Variants in ANKRD20A1 observed in about 807,000 individuals in gnomAD.
ANKRD20A1 encodes ankyrin repeat domain-containing protein 20A1.
In ANKRD20A1, 2 loss-of-function variants were observed where a neutral mutation model predicts 50.9. The observed-to-expected ratio is 0.04, with a 90% CI of 0.02 to 0.12. The LOEUF (loss-of-function observed/expected upper bound fraction) is 0.12. ANKRD20A1 is among the 10% of genes least tolerant of loss of function. The probability of loss-of-function intolerance (pLI) is 1.00; values close to 1 mark genes in which losing one functional copy is unlikely to be tolerated. For synonymous variants in ANKRD20A1, 10 were observed against 186.2 expected (o/e 0.05, Z 7.70); for missense variants, 31 against 548.1 (o/e 0.06, Z 9.42).
intron 9 of ANKRD20A1, among the ~76,000 whole-genome samples, chr9:67,885,569 C>T (rs7036425): frequency 0.069 from 9,622 of 139,796 alleles, 82 homozygotes; most frequent in East Asian, 0.16. Flanking sequence ...GAAATTAATT[C>T]GAGAAGTTAT....
chr9:67,884,218 A>G (rs1827837596), intron 8 of ANKRD20A1, among the ~76,000 whole-genome samples: 1 of 147,870 alleles, frequency 6.8e-6, no homozygotes, highest in East Asian at 2.2e-4. Context: ...GGGCAGTATA[A>G]TGAGGCCTTG....
chr9:67,871,406 T>A lies in ANKRD20A1; in HGVS notation c.793+194T>A, dbSNP rs1169291694. 4.3e-5 allele frequency among the ~76,000 whole-genome samples: 6 copies of A among 137,944 alleles called. 1 individual carries two copies. Among genetic ancestry groups the A allele is most frequent in the African/African-American group, 1.6e-4 (6 of 37,218 alleles). The allele number at this position is 137,944 out of a possible 152,430, so 90.5% of individuals were successfully genotyped here. A position where few individuals can be genotyped will look rare whatever the true frequency, so the allele number is the denominator to read the frequency against. ...AAAATTTAACTTCTTTAGTTTGAAA[T>A]TCAGATTTATTTAAGAAGGTAGTTG... On this transcript the variant is annotated intron_variant, in intron 6 of 14. Coordinates refer to ENST00000562196, the MANE Select transcript of ANKRD20A1 (RefSeq NM_032250.5).
At chr9:67,882,678 T>C (rs1827819629) in intron 8 of ANKRD20A1, among the ~76,000 whole-genome samples, 1 of 123,516 alleles carries the variant, frequency 8.1e-6, no homozygotes, top group South Asian at 3.1e-4. Flanking sequence ...AGGGTACATG[T>C]GCACAATATG....
intron 9 of ANKRD20A1, among the ~76,000 whole-genome samples, chr9:67,885,106 T>C (rs1415613594): frequency 0.074 from 7,212 of 97,556 alleles, no homozygotes; most frequent in South Asian, 0.16. Flanking sequence ...TAAGATACTC[T>C]AAGACCTGAG....
chr9:67,891,296 A>T lies in ANKRD20A1; in HGVS notation c.1082-2140A>T, dbSNP rs1827943172. Among the ~76,000 whole-genome samples the T allele has an allele frequency of 2.1e-5, 3 of 139,678 alleles. No individual in the cohort carries two copies. In the South Asian group the frequency reaches 7.2e-4, roughly 33 times the overall value. The allele number at this position is 139,678 out of a possible 152,430, so 91.6% of individuals were successfully genotyped here. A position where few individuals can be genotyped will look rare whatever the true frequency, so the allele number is the denominator to read the frequency against. ...GCAGCAAGAGTGAAACTCCATCTCA[A>T]ACAACAACAACAACAACAACAACAG... On this transcript the variant is annotated intron_variant, in intron 11 of 14. Transcript: ENST00000562196.
chr9:67,871,638 T>C (rs202230885), intron 6 of ANKRD20A1, among the ~76,000 whole-genome samples: 1 of 135,582 alleles, frequency 7.4e-6, no homozygotes, highest in Admixed American at 7.3e-5. Context: ...AAATTGTTTA[T>C]ATTTAGTAAA....
intron 12 of ANKRD20A1, among the ~76,000 whole-genome samples, chr9:67,896,282 T>G (rs982999525): frequency 2.8e-5 from 2 of 71,052 alleles, no homozygotes; most frequent in Non-Finnish European, 6.1e-5. Context: ...CAAATGAGTC[T>G]GTTTAATGTG....
At chr9:67,884,941 T>A (rs1347655090) in intron 9 of ANKRD20A1, among the ~76,000 whole-genome samples, 16 of 139,192 alleles carry the variant, frequency 1.1e-4, no homozygotes, top group Non-Finnish European at 2.2e-4. Flanking sequence ...TTTGAAAATA[T>A]GAGCACTAAT....
chr9:67,881,855 G>A (rs2131556090), intron 8 of ANKRD20A1, among the ~76,000 whole-genome samples: 1 of 151,270 alleles, frequency 6.6e-6, no homozygotes, highest in African/African-American at 2.4e-5. Flanking sequence ...AATTTCAGAA[G>A]GTTTTCTATT....
Position 67,884,605 on chromosome 9 carries a change from T to A in ANKRD20A1, c.979+35T>A, listed in dbSNP as rs753481163. On this transcript the variant is annotated intron_variant, in intron 9 of 14. Transcript: ENST00000562196. The stretch of plus-strand genomic sequence containing the variant: ...GTATTTTATTTAAAAAGTCATCTGA[T>A]GGAGGCCGGGTGCGGTGGCTCACGC... 7 of 1,591,162 alleles carry A rather than the reference T, an allele frequency of 4.4e-6. 1 individual carries two copies. Among genetic ancestry groups the A allele is most frequent in the Non-Finnish European group, 5.9e-6 (7 of 1,178,098 alleles).
intron 8 of ANKRD20A1, among the ~76,000 whole-genome samples, chr9:67,881,917 G>T (rs1332978076): frequency 6.8e-6 from 1 of 147,626 alleles, no homozygotes; most frequent in Non-Finnish European, 1.5e-5. Context: ...GCTACTGGAG[G>T]TCAGTAAACA....
intron 3 of ANKRD20A1, among the ~76,000 whole-genome samples, 165 bp from the exon 4 acceptor site, chr9:67,867,112 A>G (rs28413808): frequency 0.029 from 1,031 of 36,024 alleles, no homozygotes; most frequent in East Asian, 0.048. Flanking sequence ...AAGGCAAAGC[A>G]CAGCACATCA....
intron 8 of ANKRD20A1, among the ~76,000 whole-genome samples, chr9:67,883,141 G>T (rs1317915963): frequency 6.6e-6 from 1 of 151,580 alleles, no homozygotes; most frequent in Non-Finnish European, 1.5e-5. Flanking sequence ...TAATCCTTTG[G>T]GTATATACCC....
intron 12 of ANKRD20A1, among the ~76,000 whole-genome samples, chr9:67,894,098 C>T (rs879038288): frequency 0.043 from 4,001 of 93,248 alleles, no homozygotes; most frequent in South Asian, 0.078. Context: ...TGGAATGGGA[C>T]CTTTGGTGTC....
intron 1 of ANKRD20A1, among the ~76,000 whole-genome samples, chr9:67,860,261 G>T (rs1300026854): frequency 6.6e-5 from 3 of 45,544 alleles, no homozygotes; most frequent in Non-Finnish European, 8.6e-5. Context: ...TGGCCAGGCT[G>T]GTCTCGAACT....
chr9:67,882,542 G>A (rs1827817896), intron 8 of ANKRD20A1, among the ~76,000 whole-genome samples: 1 of 149,908 alleles, frequency 6.7e-6, no homozygotes, highest in African/African-American at 2.4e-5. Flanking sequence ...TCATTCAACT[G>A]GAATCTTAAC....
chr9:67,871,561 C>T (rs1457908836), intron 6 of ANKRD20A1, among the ~76,000 whole-genome samples: 4 of 137,234 alleles, frequency 2.9e-5, no homozygotes, highest in Admixed American at 2.1e-4. Flanking sequence ...TGTATGTTTC[C>T]TCTATAGTCA....
chr9:67,884,627 A>T, intron 9 of ANKRD20A1, 57 bp downstream of exon 9: 1 of 1,580,980 alleles, frequency 6.3e-7, no homozygotes, highest in African/African-American at 1.3e-5. Context: ...GCGGTGGCTC[A>T]CGCCTGTAAT....
chr9:67,885,061 G>A (rs867850847), intron 9 of ANKRD20A1, among the ~76,000 whole-genome samples: 903 of 143,102 alleles, frequency 6.3e-3, no homozygotes, highest in African/African-American at 0.022. Context: ...TCTATTGGGA[G>A]TACCACTAAA....
Sources: allele counts gnomAD v4.1 joint callset (sites outside exome capture counted in the v4.1 genomes callset), GRCh38; gene constraint gnomAD v4.1.1; transcripts MANE v1.5; gene names NCBI Gene and HGNC (gene_info 2026-07-23, HGNC 2026-07-21).